SLC44A1: variants seen among roughly 807,000 people sequenced by gnomAD.
The protein encoded by SLC44A1 is choline transporter-like protein 1.
Under a neutral mutation model 79.3 loss-of-function variants are expected in SLC44A1, and 26 were observed. The observed-to-expected ratio is 0.33, with a 90% confidence interval of 0.24 to 0.46. The LOEUF (loss-of-function observed/expected upper bound fraction) is 0.46. SLC44A1 is among the 20% of genes least tolerant of loss of function. The probability of loss-of-function intolerance (pLI) is 1.00; values close to 1 mark genes in which losing one functional copy is unlikely to be tolerated. For missense variants in SLC44A1, 688 were observed against 798.1 expected (o/e 0.86, Z 1.66); for synonymous variants, 263 against 286.2 (o/e 0.92, Z 0.82).
Position 105,396,301 on chromosome 9 carries a change from T to C in SLC44A1, c.*7245T>C, listed in dbSNP as rs931971589. ...TCTAAAGAAGTTAGTTCAGTGGTTA[T>C]TAACTGATTTTATTACAGGAGAAAA... On this transcript the variant is annotated 3_prime_UTR_variant, in exon 16 of 16. Transcript: ENST00000374720. 3.2e-5 allele frequency: 32 copies of C among 985,064 alleles called. No individual in the cohort carries two copies. The highest frequency in any genetic ancestry group is 5.2e-4 in the Middle Eastern group (1 of 1,936). The allele number at this position is 985,064 out of a possible 1,614,324, so 61.0% of individuals were successfully genotyped here. A position where few individuals can be genotyped will look rare whatever the true frequency, so the allele number is the denominator to read the frequency against.
At chr9:105,367,775 C>T (rs1232884125) in intron 12 of SLC44A1, among the ~76,000 whole-genome samples, 1 of 152,112 alleles carries the variant, frequency 6.6e-6, no homozygotes. Context: ...ACCCCAGCCC[C>T]TCTGCTGAGC....
At chr9:105,330,624 C>G (rs934682488) in intron 3 of SLC44A1, among the ~76,000 whole-genome samples, 2 of 152,202 alleles carry the variant, frequency 1.3e-5, no homozygotes, top group African/African-American at 2.4e-5. Flanking sequence ...CCACCTTTGT[C>G]TCGTTTCCCT....
intron 15 of SLC44A1, among the ~76,000 whole-genome samples, chr9:105,434,107 G>A (rs548677462): frequency 6.6e-6 from 1 of 152,256 alleles, no homozygotes; most frequent in South Asian, 2.1e-4. Context: ...GGAGGCCAAG[G>A]CGGACGGAAC....
chr9:105,253,739 T>G (rs1016926657), intron 1 of SLC44A1, among the ~76,000 whole-genome samples: 3 of 152,142 alleles, frequency 2.0e-5, no homozygotes, highest in African/African-American at 7.2e-5. Flanking sequence ...CTTTATTTTT[T>G]TTTGAGACAG....
chr9:105,405,999 C>A (rs201987012), intron 15 of SLC44A1, among the ~76,000 whole-genome samples: 39 of 152,298 alleles, frequency 2.6e-4, no homozygotes, highest in African/African-American at 9.1e-4. Flanking sequence ...AGACCACAAA[C>A]GTTCGCTTCT....
Position 105,394,687 on chromosome 9 carries a change from A to G in SLC44A1, c.*5631A>G. The G allele has an allele frequency of 1.0e-6, 1 of 985,396 alleles. No individual in the cohort carries two copies. The highest frequency in any genetic ancestry group is 1.2e-6 in the Non-Finnish European group (1 of 829,910). 61.0% of individuals were successfully genotyped at this position (985,396 alleles called of 1,614,324 possible). ...TTTGTCAACATGTCCAGTTCCAACA[A>G]CAGTTGAAGATGATGATAAATTAGC... On this transcript the variant is annotated 3_prime_UTR_variant, in exon 16 of 16. Coordinates refer to ENST00000374720, the MANE Select transcript of SLC44A1 (RefSeq NM_080546.5).
chr9:105,341,074 C>T (rs945543041), intron 4 of SLC44A1, among the ~76,000 whole-genome samples: 2 of 152,168 alleles, frequency 1.3e-5, no homozygotes, highest in Admixed American at 6.5e-5. Flanking sequence ...ATGGCTCACA[C>T]CTATAATCCC....
intron 2 of SLC44A1, among the ~76,000 whole-genome samples, chr9:105,301,334 G>C (rs1457239838): frequency 6.6e-6 from 1 of 152,148 alleles, no homozygotes; most frequent in African/African-American, 2.4e-5. Flanking sequence ...ATATAATGTT[G>C]ATTTCAGTAT....
At chr9:105,384,695 T>G (rs183299356) in intron 14 of SLC44A1, among the ~76,000 whole-genome samples, 43 of 152,338 alleles carry the variant, frequency 2.8e-4, no homozygotes, top group African/African-American at 8.7e-4. Context: ...TACTGTTTTT[T>G]AAGTCACTGA....
At chr9:105,404,904 A>G (rs1436823723) in intron 15 of SLC44A1, among the ~76,000 whole-genome samples, 1 of 152,146 alleles carries the variant, frequency 6.6e-6, no homozygotes, top group African/African-American at 2.4e-5. Context: ...GACAATGATA[A>G]TTTTTTCATT....
chr9:105,381,574 G>T (rs1828467094), intron 13 of SLC44A1, among the ~76,000 whole-genome samples: 2 of 149,920 alleles, frequency 1.3e-5, no homozygotes, highest in African/African-American at 4.9e-5. Flanking sequence ...AAAAAGAAAA[G>T]AAAATAGAAG....
At chr9:105,429,836 A>G (rs16924616) in intron 15 of SLC44A1, among the ~76,000 whole-genome samples, 6,401 of 141,386 alleles carry the variant, frequency 0.045, 529 homozygotes, top group African/African-American at 0.18. Context: ...AATTTTATTT[A>G]AATCTTCTTT....
chr9:105,258,528 G>A (rs1829763681), intron 1 of SLC44A1, among the ~76,000 whole-genome samples: 1 of 152,190 alleles, frequency 6.6e-6, no homozygotes, highest in Non-Finnish European at 1.5e-5. Flanking sequence ...GATCGCCCAA[G>A]TAGTGTAAAA....
intron 15 of SLC44A1, among the ~76,000 whole-genome samples, chr9:105,424,784 CA>C (rs1173582822): frequency 1.3e-5 from 2 of 151,512 alleles, no homozygotes; most frequent in African/African-American, 2.4e-5. Flanking sequence ...CCATCTCTAC[CA>C]AAAGTACAAA....
At chr9:105,404,233 CAAAAAAAAAA>C (rs71489339) in intron 15 of SLC44A1, among the ~76,000 whole-genome samples, 2 of 44,450 alleles carry the variant, frequency 4.5e-5, no homozygotes, top group Admixed American at 2.3e-4. Flanking sequence ...GGACTCATCT[CAAAAAAAAAA>C]AAAAAAAAAA....
chr9:105,293,263 T>C (rs193130452), intron 1 of SLC44A1, among the ~76,000 whole-genome samples: 82 of 152,370 alleles, frequency 5.4e-4, no homozygotes, highest in Middle Eastern at 3.4e-3. Context: ...GAAGGAAAGA[T>C]TGATAGCATT....
intron 15 of SLC44A1, among the ~76,000 whole-genome samples, chr9:105,434,138 G>C (rs1256940207): frequency 6.6e-6 from 1 of 152,154 alleles, no homozygotes; most frequent in African/African-American, 2.4e-5. Context: ...AGGAGTTTGA[G>C]ACCAGTTTAG....
chr9:105,338,508 G>A (rs375856391), intron 4 of SLC44A1, among the ~76,000 whole-genome samples: 1 of 152,210 alleles, frequency 6.6e-6, no homozygotes, highest in South Asian at 2.1e-4. Context: ...TTGTACTTCT[G>A]GGCTCAAGTG....
chr9:105,273,440 C>T (rs1243337698), intron 1 of SLC44A1, among the ~76,000 whole-genome samples: 1 of 152,166 alleles, frequency 6.6e-6, no homozygotes, highest in African/African-American at 2.4e-5. Flanking sequence ...GAATGGATTA[C>T]ATTTGGCTTT....
Sources: gnomAD v4.1 joint callset for allele counts (sites outside exome capture counted in the v4.1 genomes callset) on GRCh38, gnomAD v4.1.1 for gene constraint, MANE v1.5 for transcripts, NCBI Gene and HGNC (gene_info 2026-07-23, HGNC 2026-07-21) for gene names.